CACNB4: variants seen among roughly 807,000 people sequenced by gnomAD.
CACNB4 encodes the protein calcium voltage-gated channel auxiliary subunit beta 4.
Under a neutral mutation model 71.2 loss-of-function variants are expected in CACNB4, and 32 were observed. The ratio of observed to expected loss-of-function variants is 0.45; its 90% confidence interval spans 0.34 to 0.60. The LOEUF is 0.60. Among genes scored for constraint, CACNB4 ranks in the 20% least tolerant of loss-of-function variants. CACNB4 has a pLI of 0.01. For synonymous variants in CACNB4, 231 were observed against 236.9 expected, an observed-to-expected ratio of 0.97 and a Z score of 0.23; for missense variants, 464 against 647.9, an observed-to-expected ratio of 0.72 and a Z score of 3.08.
chr2:151,860,592 T>C (rs948909731), intron 10 of CACNB4, 119 bp downstream of exon 10: 5 of 725,730 alleles, frequency 6.9e-6, no homozygotes, highest in Non-Finnish European at 1.2e-5. Flanking sequence ...TCTTTTTAGG[T>C]ACTCAGTGCT....
Position 152,098,997 on chromosome 2 carries a change from G to T in CACNB4, c.15C>A (p.Ser5=). 6.5e-7 allele frequency: 1 copy of T among 1,529,250 alleles called. No homozygotes were observed. The highest frequency in any genetic ancestry group is 8.8e-7 in the Non-Finnish European group (1 of 1,139,424). 94.7% of individuals were successfully genotyped at this position (1,529,250 alleles called of 1,614,324 possible). The stretch of plus-strand genomic sequence containing the variant: ...CGTCCGCGGTCCCGTTCTTGGCGTA[G>T]GAGGAGGAGGACATCGTTCAGAGCC... The part of the protein sequence containing the change: MSSS[S]YAKNGTADGP... The change falls in exon 1 of 14, where the codon TCC becomes TCA. Residue 5 remains serine (S), a synonymous_variant. Transcript: ENST00000539935. The surrounding 1 kb of genome is among the most constrained non-coding windows in gnomAD (Gnocchi z 5.3).
At chr2:151,900,464 G>A (rs1189547296) in intron 2 of CACNB4, among the ~76,000 whole-genome samples, 1 of 152,318 alleles carries the variant, frequency 6.6e-6, no homozygotes. Context: ...AAAGGTGGGG[G>A]CAGCATGAAC....
chr2:151,902,438 C>G (rs887664945), intron 2 of CACNB4, among the ~76,000 whole-genome samples: 5 of 152,058 alleles, frequency 3.3e-5, no homozygotes, highest in African/African-American at 4.8e-5. Context: ...AGTCCCCTAG[C>G]GAAAATGTTC....
At chr2:151,976,173 A>T (rs1280102517) in intron 2 of CACNB4, among the ~76,000 whole-genome samples, 1 of 152,240 alleles carries the variant, frequency 6.6e-6, no homozygotes, top group African/African-American at 2.4e-5. Context: ...CAACCCCTCT[A>T]ACTAAGAATA....
rs1020148814 is a variant in CACNB4, at chr2:152,092,992, C to G, written c.147+5338G>C. ...GTTATATGAAATGTAGTCTCTTTCT[C>G]ATTCTCAAAATAGCTACTGTACTGT... On this transcript the variant is annotated intron_variant, in intron 2 of 13. Transcript: ENST00000539935. Among the ~76,000 whole-genome samples the G allele has an allele frequency of 2.0e-5, 3 of 152,122 alleles. 1 individual carries two copies. Among genetic ancestry groups the G allele is most frequent in the Admixed American group, 6.6e-5 (1 of 15,264 alleles).
chr2:151,939,808 C>T (rs2099863795), intron 2 of CACNB4, among the ~76,000 whole-genome samples: 1 of 152,034 alleles, frequency 6.6e-6, no homozygotes, highest in Admixed American at 6.5e-5. Context: ...GAAATTCACC[C>T]TGTTATGAAA....
chr2:151,954,906 T>G (rs2099867829), intron 2 of CACNB4, among the ~76,000 whole-genome samples: 1 of 129,746 alleles, frequency 7.7e-6, no homozygotes, highest in Admixed American at 9.5e-5. Context: ...TGGGCTGGAG[T>G]GCAGTGGGGC....
At chr2:151,841,139 T>C (rs965637859) in intron 13 of CACNB4, among the ~76,000 whole-genome samples, 1 of 152,208 alleles carries the variant, frequency 6.6e-6, no homozygotes. Context: ...GCTCTACTTA[T>C]ATCCACATTG....
chr2:152,027,247 C>T (rs1213067536), intron 2 of CACNB4, among the ~76,000 whole-genome samples: 1 of 152,190 alleles, frequency 6.6e-6, no homozygotes, highest in East Asian at 1.9e-4. Flanking sequence ...GGCTTTCAGG[C>T]ACCTCCTCCC....
chr2:151,856,151 G>GTTT (rs59011015), intron 10 of CACNB4, among the ~76,000 whole-genome samples: 2,821 of 140,864 alleles, frequency 0.02, 35 homozygotes, highest in Middle Eastern at 0.036. Context: ...AAGCAATCCA[G>GTTT]TTTTTTTTTT....
At chr2:152,067,838 G>A (rs141758751) in intron 2 of CACNB4, among the ~76,000 whole-genome samples, 2 of 152,328 alleles carry the variant, frequency 1.3e-5, no homozygotes, top group East Asian at 3.9e-4. Flanking sequence ...TTAAGTGGTA[G>A]TTGTGGTACT....
At position 152,071,858 on chromosome 2, in the gene CACNB4, C is replaced by T. The variant is rs567852201; in HGVS notation, c.147+26472G>A. On this transcript the variant is annotated intron_variant, in intron 2 of 13. Coordinates refer to ENST00000539935, the MANE Select transcript of CACNB4 (RefSeq NM_000726.5). ...CAAACATAGTGCAAATATACCAGAG[C>T]CAGGCCTTGACCAAGATGAATGTGT... Among the ~76,000 whole-genome samples, 8 of 152,294 alleles carry T rather than the reference C, an allele frequency of 5.3e-5. No individual in the cohort carries two copies. In the South Asian group the frequency reaches 1.7e-3, roughly 32 times the overall value.
intron 2 of CACNB4, among the ~76,000 whole-genome samples, chr2:151,900,387 G>A (rs1285093867): frequency 6.6e-6 from 1 of 152,206 alleles, no homozygotes; most frequent in Non-Finnish European, 1.5e-5. Context: ...GTCAGCGCTG[G>A]AACTGTGCCA....
chr2:152,078,425 TATC>T lies in CACNB4; in HGVS notation c.147+19902_147+19904del, dbSNP rs573605041. ...CGTGAAAACCAAACTTTGAAACTATTATCATCATGAGGCATAGTCTGCATAACT... is the reference window on the plus strand; with the variant it reads ...CGTGAAAACCAAACTTTGAAACTATTATCATGAGGCATAGTCTGCATAACT... On this transcript the variant is annotated intron_variant, in intron 2 of 13. Coordinates refer to ENST00000539935, the MANE Select transcript of CACNB4 (RefSeq NM_000726.5). Among the ~76,000 whole-genome samples the T allele has an allele frequency of 2.8e-3, 421 of 152,296 alleles. 1 individual carries two copies. The highest frequency in any genetic ancestry group is 9.2e-3 in the African/African-American group (383 of 41,570).
Position 152,027,751 on chromosome 2 carries a change from C to T in CACNB4, c.147+70579G>A, listed in dbSNP as rs1684052796. ...CCTATAATTCCAGCTACTCAGGAGG[C>T]TGAGGCAGGAGAATCGCTTGAACCC... On this transcript the variant is annotated intron_variant, in intron 2 of 13. Transcript: ENST00000539935. 1.4e-5 allele frequency among the ~76,000 whole-genome samples: 2 copies of T among 147,912 alleles called. 1 individual carries two copies. Among genetic ancestry groups the T allele is most frequent in the South Asian group, 4.4e-4 (2 of 4,538 alleles).
chr2:152,018,339 C>T (rs1683462503), intron 2 of CACNB4, among the ~76,000 whole-genome samples: 2 of 151,990 alleles, frequency 1.3e-5, no homozygotes, highest in South Asian at 4.2e-4. Context: ...AGCACTAAGA[C>T]CTGGGAGCAT....
At chr2:151,848,402 A>G (rs2099838164) in intron 12 of CACNB4, among the ~76,000 whole-genome samples, 1 of 152,208 alleles carries the variant, frequency 6.6e-6, no homozygotes, top group African/African-American at 2.4e-5. Flanking sequence ...GAATGCACCA[A>G]TGAGGAGAGC....
intron 9 of CACNB4, chr2:151,865,868 C>T (rs2099842974): frequency 6.6e-6 from 1 of 151,852 alleles, no homozygotes; most frequent in Non-Finnish European, 1.5e-5. Context: ...TCACCGCAAC[C>T]TCTGCCTCCC....
chr2:151,929,328 A>G (rs1230405470), intron 2 of CACNB4, among the ~76,000 whole-genome samples: 3 of 152,244 alleles, frequency 2.0e-5, no homozygotes, highest in Non-Finnish European at 4.4e-5. Context: ...GTAAATGCAC[A>G]CACATACGTA....
Sources: allele counts gnomAD v4.1 joint callset (sites outside exome capture counted in the v4.1 genomes callset), GRCh38; gene constraint gnomAD v4.1.1; non-coding constraint Gnocchi (gnomAD v3.1); transcripts MANE v1.5; gene names NCBI Gene and HGNC (gene_info 2026-07-23, HGNC 2026-07-21).